Variants in ARMC3 observed in about 807,000 individuals in gnomAD.
The protein encoded by ARMC3 is armadillo repeat containing 3, also known as armadillo repeat-containing protein 3.
In ARMC3, 74 loss-of-function variants were observed where a neutral mutation model predicts 90.3. That is an observed-to-expected ratio of 0.82 (90% confidence interval 0.68 to 0.99). ARMC3 has a LOEUF of 0.99. Ranked by LOEUF, ARMC3 falls within the 50% of genes least tolerant of loss-of-function variation. The pLI, the probability that ARMC3 is intolerant of heterozygous loss-of-function variation, is 0.00. For missense variants in ARMC3, 958 were observed against 1,042.8 expected, an observed-to-expected ratio of 0.92 and a Z score of 1.12; for synonymous variants, 334 against 361.8, an observed-to-expected ratio of 0.92 and a Z score of 0.87.
intron 2 of ARMC3, among the ~76,000 whole-genome samples, chr10:22,939,580 C>T (rs1834244458): frequency 2.0e-5 from 3 of 152,138 alleles, no homozygotes; most frequent in Non-Finnish European, 4.4e-5. Context: ...CCTAATAAAG[C>T]TTAAAAACGG....
chr10:23,032,655 A>T (rs887152062), intron 17 of ARMC3, among the ~76,000 whole-genome samples: 1 of 152,214 alleles, frequency 6.6e-6, no homozygotes, highest in Non-Finnish European at 1.5e-5. Flanking sequence ...CTAGAATTTC[A>T]GTTTATATAT....
intron 13 of ARMC3, among the ~76,000 whole-genome samples, chr10:23,004,586 C>G (rs1217081053): frequency 6.6e-6 from 1 of 152,120 alleles, no homozygotes; most frequent in African/African-American, 2.4e-5. Flanking sequence ...TGCAAGAACT[C>G]AGGACACGGG....
intron 10 of ARMC3, among the ~76,000 whole-genome samples, chr10:22,997,097 G>A (rs1837005922): frequency 6.6e-6 from 1 of 152,062 alleles, no homozygotes. Flanking sequence ...TTAAAATCAG[G>A]ATGCTCTCTT....
intron 2 of ARMC3, among the ~76,000 whole-genome samples, chr10:22,944,236 G>A (rs1337830262): frequency 6.6e-6 from 1 of 152,174 alleles, no homozygotes; most frequent in South Asian, 2.1e-4. Flanking sequence ...TCAGGAGAAG[G>A]AAAGGTATAG....
chr10:22,962,638 A>G (rs939419857), intron 7 of ARMC3, among the ~76,000 whole-genome samples: 4 of 152,224 alleles, frequency 2.6e-5, no homozygotes, highest in Non-Finnish European at 4.4e-5. Flanking sequence ...CAGATCCAGT[A>G]TCCCTACTTT....
chr10:23,010,603 CCCTT>C (rs1837923757), intron 16 of ARMC3, among the ~76,000 whole-genome samples: 1 of 129,580 alleles, frequency 7.7e-6, no homozygotes, highest in Non-Finnish European at 1.7e-5. Context: ...CCTTCTCTCT[CCCTT>C]CCTTCCCATT....
intron 14 of ARMC3, among the ~76,000 whole-genome samples, 195 bp downstream of exon 14, chr10:23,007,176 A>T (rs1837662001): frequency 6.6e-6 from 1 of 152,166 alleles, no homozygotes; most frequent in African/African-American, 2.4e-5. Context: ...ACTGCAAATC[A>T]ATGCACTCTC....
chr10:22,960,837 C>T lies in ARMC3; in HGVS notation c.538-1047C>T, dbSNP rs181029041. 7.9e-5 allele frequency: 12 copies of T among 152,324 alleles called. No homozygotes were observed. The East Asian group carries it at 1.4e-3, about 17-fold the overall frequency. 9.4% of individuals were successfully genotyped at this position (152,324 alleles called of 1,614,324 possible). On this transcript the variant is annotated intron_variant, in intron 6 of 18. Transcript: ENST00000298032. Reference sequence around the variant, plus strand: ...ACTGAGACCAGATAGGACCCTTCCTCTCCTCTTCCCAGCTTCATGTAGTGG... The same window carrying T: ...ACTGAGACCAGATAGGACCCTTCCTTTCCTCTTCCCAGCTTCATGTAGTGG...
chr10:22,995,453 CT>C (rs796222598), intron 10 of ARMC3, among the ~76,000 whole-genome samples: 1 of 152,270 alleles, frequency 6.6e-6, no homozygotes, highest in African/African-American at 2.4e-5. Flanking sequence ...GTTGTGCCAG[CT>C]GTGCCTGCAC....
At chr10:22,975,946 C>G (rs1284410877) in intron 8 of ARMC3, among the ~76,000 whole-genome samples, 1 of 152,104 alleles carries the variant, frequency 6.6e-6, no homozygotes, top group Non-Finnish European at 1.5e-5. Context: ...GCAGAGGACT[C>G]TACCTGGGCC....
At chr10:22,990,018 A>G (rs1406966777) in intron 10 of ARMC3, among the ~76,000 whole-genome samples, 1 of 152,228 alleles carries the variant, frequency 6.6e-6, no homozygotes, top group South Asian at 2.1e-4. Flanking sequence ...TAAAATGTTC[A>G]ATTAGAAAAT....
chr10:23,014,265 G>T (rs753131869), intron 16 of ARMC3: 32 of 1,481,682 alleles, frequency 2.2e-5, no homozygotes, highest in Non-Finnish European at 2.7e-5. Context: ...TGTAAGAGGA[G>T]AGATGGTGTC....
intron 16 of ARMC3, among the ~76,000 whole-genome samples, chr10:23,029,474 T>C (rs1032379165): frequency 1.3e-5 from 2 of 152,184 alleles, no homozygotes; most frequent in East Asian, 3.8e-4. Flanking sequence ...TAAGAACCCA[T>C]GCTATTGTTT....
chr10:23,002,176 C>G lies in ARMC3; in HGVS notation c.1562+121C>G. 2.2e-6 allele frequency: 3 copies of G among 1,390,676 alleles called. No homozygotes were observed. The South Asian group carries it at 4.6e-5, about 21-fold the overall frequency. 86.1% of individuals were successfully genotyped at this position (1,390,676 alleles called of 1,614,324 possible). The stretch of plus-strand genomic sequence containing the variant: ...GCTGCTCTCTCAGTCCGCTGAAGCG[C>G]TGCATGTCCCCAGGGCGGGCCTTGG... On this transcript the variant is annotated intron_variant, in intron 12 of 18. Coordinates refer to ENST00000298032, the MANE Select transcript of ARMC3 (RefSeq NM_173081.5).
At chr10:22,935,427 A>G (rs1392995140) in intron 2 of ARMC3, among the ~76,000 whole-genome samples, 1 of 152,220 alleles carries the variant, frequency 6.6e-6, no homozygotes, top group Non-Finnish European at 1.5e-5. Flanking sequence ...GAACATTTTT[A>G]TCATTGAAGA....
In ARMC3 at chr10:23,032,734, AAAAT is replaced by A; in HGVS notation, c.2247-123_2247-120del. 3 of 1,035,252 alleles carry A rather than the reference AAAAT, an allele frequency of 2.9e-6. 1 individual carries two copies. In the South Asian group the frequency reaches 5.2e-5, roughly 18 times the overall value. 64.1% of individuals were successfully genotyped at this position (1,035,252 alleles called of 1,614,324 possible). A position where few individuals can be genotyped will look rare whatever the true frequency, so the allele number is the denominator to read the frequency against. On this transcript the variant is annotated intron_variant, in intron 17 of 18. Transcript: ENST00000298032. ...ACTATTTATGGTTAGTACTTTCTCAAAAATAAAGCACAACAAAAATCACAGCAAA... is the reference window on the plus strand; with the variant it reads ...ACTATTTATGGTTAGTACTTTCTCAAAAAGCACAACAAAAATCACAGCAAA...
intron 2 of ARMC3, among the ~76,000 whole-genome samples, chr10:22,940,289 G>A (rs1173543047): frequency 1.3e-5 from 2 of 152,118 alleles, no homozygotes; most frequent in Non-Finnish European, 2.9e-5. Context: ...AAGGCTATGC[G>A]ATAGCATAAG....
In ARMC3 at chr10:22,968,358, A is replaced by C; in HGVS notation, c.785A>C (p.Glu262Ala). ...EALAVIANCLEDMDTMVQIQQ... is the reference protein window; with the variant it reads ...EALAVIANCLADMDTMVQIQQ... ...CTTGCAGTGATAGCCAATTGCCTTG[A>C]AGACATGGATACTATGGTGCAGATT... is the stretch of plus-strand genomic sequence containing the variant. Residue 262 changes from glutamate (E) to alanine (A), a missense_variant, in exon 8 of 19, where the codon GAA becomes GCA. Glu to Ala is a moderately radical substitution (Grantham distance 107). Transcript: ENST00000298032. 3 of 1,614,078 alleles carry C rather than the reference A, an allele frequency of 1.9e-6. No homozygotes were observed. Among genetic ancestry groups the C allele is most frequent in the Non-Finnish European group, 2.5e-6 (3 of 1,179,972 alleles).
At chr10:22,939,358 G>A (rs1834233167) in intron 2 of ARMC3, among the ~76,000 whole-genome samples, 1 of 152,164 alleles carries the variant, frequency 6.6e-6, no homozygotes, top group African/African-American at 2.4e-5. Context: ...ACCTGGCAAA[G>A]GACATGCATG....
Sources: allele counts gnomAD v4.1 joint callset (sites outside exome capture counted in the v4.1 genomes callset), GRCh38; gene constraint gnomAD v4.1.1; transcripts MANE v1.5; gene names NCBI Gene and HGNC (gene_info 2026-07-23, HGNC 2026-07-21).